The following ADGRB1 variants were observed in gnomAD, a reference collection of about 807,000 sequenced individuals.
ADGRB1 encodes the protein adhesion G protein-coupled receptor B1, also known as brain-specific angiogenesis inhibitor 1.
Under a neutral mutation model 175.7 loss-of-function variants are expected in ADGRB1, and 36 were observed. The ratio of observed to expected loss-of-function variants is 0.20; its 90% CI spans 0.16 to 0.27. ADGRB1 has a LOEUF of 0.27. ADGRB1 is among the 10% of genes least tolerant of loss of function. ADGRB1 has a pLI of 1.00. For missense variants in ADGRB1, 1,731 were observed against 2,255.3 expected, an observed-to-expected ratio of 0.77 and a Z score of 4.71; for synonymous variants, 1,054 against 979.4, an observed-to-expected ratio of 1.08 and a Z score of -1.42.
chr8:142,544,456 G>C lies in ADGRB1; in HGVS notation c.*39G>C. 7.0e-7 allele frequency: 1 copy of C among 1,436,028 alleles called. No homozygotes were observed. Among genetic ancestry groups the C allele is most frequent in the East Asian group, 2.6e-5 (1 of 38,700 alleles). 89.0% of individuals were successfully genotyped at this position (1,436,028 alleles called of 1,614,324 possible). On this transcript the variant is annotated 3_prime_UTR_variant, in exon 31 of 31. Transcript: ENST00000517894. ...GGCCACGCACTGGGCCACGGAGGAG[G>C]GATGCTGCTCCGCCCGCTCCTGCCG...
At chr8:142,501,898 TGTGGTGGTGATG>T (rs1842579897) in intron 17 of ADGRB1, among the ~76,000 whole-genome samples, 1 of 40,284 alleles carries the variant, frequency 2.5e-5, no homozygotes, top group Non-Finnish European at 5.4e-5. Flanking sequence ...GTGAGGGTGA[TGTGGTGGTGATG>T]GTGGTGGCGG....
rs1282627260 is a variant in ADGRB1, at chr8:142,520,917, C to T, written c.3016C>T (p.Arg1006Cys). ...ALILIGQTQT[R>C]NKVVCTLVAA... is the part of the protein sequence containing the mutation. ...CATCCTCATCGGGCAGACCCAGACC[C>T]GCAACAAGGTAGGCAGCCTTGCGTC... The change falls in exon 20 of 31, where the codon CGC (arginine) becomes TGC (cysteine). Residue 1006 changes from arginine (R) to cysteine (C), a missense_variant. Arg to Cys is a radical substitution (Grantham distance 180). Transcript: ENST00000517894. The T allele has an allele frequency of 3.7e-6, 6 of 1,612,972 alleles. No individual in the cohort carries two copies. The highest frequency in any genetic ancestry group is 2.2e-5 in the East Asian group (1 of 44,864).
intron 11 of ADGRB1, among the ~76,000 whole-genome samples, chr8:142,483,135 T>C (rs1262243580): frequency 2.4e-5 from 3 of 125,670 alleles, no homozygotes; most frequent in East Asian, 2.7e-4. Context: ...CTTGGTCACA[T>C]GCTGAACCCT....
intron 1 of ADGRB1, among the ~76,000 whole-genome samples, chr8:142,454,186 C>T (rs1368810530): frequency 6.6e-6 from 1 of 152,150 alleles, no homozygotes; most frequent in Non-Finnish European, 1.5e-5. Flanking sequence ...CTGTTGAGTG[C>T]CGCTGCCACG....
At position 142,484,757 on chromosome 8, in the gene ADGRB1, C is replaced by A. The variant is rs1486079710; in HGVS notation, c.2301C>A (p.Asp767Glu). The change falls in exon 13 of 31, where the codon GAC (aspartate) becomes GAA (glutamate). Residue 767 changes from aspartate (D) to glutamate (E), a missense_variant. Coordinates refer to ENST00000517894, the MANE Select transcript of ADGRB1 (RefSeq NM_001702.3). ...KDLRDAYQVT[D>E]NLVLSIHKLP... ...TGAGGGATGCATACCAGGTGACAGA[C>A]AACCTGGGTAAGCCTGCCCGCCTGC... 3.1e-6 allele frequency: 5 copies of A among 1,602,486 alleles called. No individual in the cohort carries two copies. The highest frequency in any genetic ancestry group is 4.3e-6 in the Non-Finnish European group (5 of 1,173,302).
chr8:142,515,150 T>A (rs1400880279), intron 18 of ADGRB1, among the ~76,000 whole-genome samples: 1 of 152,032 alleles, frequency 6.6e-6, no homozygotes, highest in African/African-American at 2.4e-5. Flanking sequence ...AATTGGTGAC[T>A]TCTGTGCTGG....
rs565856137 is a variant in ADGRB1, at chr8:142,476,266, C to G, written c.947-319C>G. ...GAGCCTGGGGAGGGCCCCGGGGCAT[C>G]GGCTGGGCTGCGGAAGGGAGGCAGG... On this transcript the variant is annotated intron_variant, in intron 3 of 30. Transcript: ENST00000517894. Among the ~76,000 whole-genome samples, 5 of 152,166 alleles carry G rather than the reference C, an allele frequency of 3.3e-5. No homozygotes were observed. The East Asian group carries it at 7.7e-4, about 23-fold the overall frequency.
chr8:142,538,454 G>A lies in ADGRB1; in HGVS notation c.3667-920G>A, dbSNP rs952863580. Among the ~76,000 whole-genome samples the A allele has an allele frequency of 2.0e-5, 3 of 152,336 alleles. No homozygotes were observed. In the South Asian group the frequency reaches 6.2e-4, roughly 32 times the overall value. On this transcript the variant is annotated intron_variant, in intron 26 of 30. Transcript: ENST00000517894. ...GGGAGCAGGTATCCACCAGTGGCTA[G>A]CTTGTCATTTTGGGACACAGCTTCC...
chr8:142,459,664 TCACAGGCA>T (rs1839867365), intron 1 of ADGRB1, among the ~76,000 whole-genome samples: 1 of 152,152 alleles, frequency 6.6e-6, no homozygotes. Flanking sequence ...ATATGCACAC[TCACAGGCA>T]CACAGGAACA....
intron 1 of ADGRB1, among the ~76,000 whole-genome samples, chr8:142,452,651 C>G (rs2131608788): frequency 6.6e-6 from 1 of 152,300 alleles, no homozygotes; most frequent in South Asian, 2.1e-4. Context: ...CAGGGTGGCC[C>G]GAGTCCCGAG....
At position 142,493,493 on chromosome 8, in the gene ADGRB1, G is replaced by A. The variant is rs1164562217; in HGVS notation, c.2675+2678G>A. Among the ~76,000 whole-genome samples, 2 of 152,220 alleles carry A rather than the reference G, an allele frequency of 1.3e-5. No homozygotes were observed. Among genetic ancestry groups the A allele is most frequent in the South Asian group, 2.1e-4 (1 of 4,836 alleles). ...AGGTGTTCCACCCACCCCGTCACCG[G>A]CTGGGTGCGCTGAGTGCTAAGGTCT... On this transcript the variant is annotated intron_variant, in intron 17 of 30. Transcript: ENST00000517894. The surrounding 1 kb of genome is among the most constrained non-coding windows in gnomAD (Gnocchi z 5.0).
chr8:142,483,795 T>C (rs1488794958), intron 11 of ADGRB1, among the ~76,000 whole-genome samples, 182 bp from the exon 12 acceptor site: 1 of 150,900 alleles, frequency 6.6e-6, no homozygotes, highest in African/African-American at 2.5e-5. Context: ...TCGATCCTGG[T>C]TACACACTGA....
intron 26 of ADGRB1, among the ~76,000 whole-genome samples, chr8:142,539,031 G>C (rs374339070): frequency 6.6e-6 from 1 of 152,122 alleles, no homozygotes; most frequent in East Asian, 1.9e-4. Flanking sequence ...AAATACACAC[G>C]CATGTACGTG....
chr8:142,538,784 C>T lies in ADGRB1; in HGVS notation c.3667-590C>T, dbSNP rs144477687. On this transcript the variant is annotated intron_variant, in intron 26 of 30. Transcript: ENST00000517894. ...CCCTGAATTGCATGTTCAACATCCCCCCCCACCACCTCTCCCTCCCCAGAC... is the reference window on the plus strand; with the variant it reads ...CCCTGAATTGCATGTTCAACATCCCTCCCCACCACCTCTCCCTCCCCAGAC... 7.7e-3 allele frequency among the ~76,000 whole-genome samples: 1,170 copies of T among 152,260 alleles called. 19 individuals carry two copies. Among genetic ancestry groups the T allele is most frequent in the African/African-American group, 0.026 (1,086 of 41,538 alleles).
At chr8:142,531,999 G>C (rs1161906438) in intron 24 of ADGRB1, among the ~76,000 whole-genome samples, 1 of 152,138 alleles carries the variant, frequency 6.6e-6, no homozygotes, top group Non-Finnish European at 1.5e-5. Flanking sequence ...GTGTGGTTTT[G>C]GAGGCCCTTG....
chr8:142,489,049 T>C lies in ADGRB1; in HGVS notation c.2467T>C (p.Ser823Pro). ...STGLTEADEA[S>P]VFVVGTVLYR... The stretch of plus-strand genomic sequence containing the variant: ...CTTTCTTCCAGAGGCCGATGAAGCA[T>C]CCGTGTTTGTGGTGGGCACCGTGCT... Residue 823 changes from serine (S) to proline (P), a missense_variant, in exon 15 of 31, where the codon TCC (serine) becomes CCC (proline). Ser to Pro is a moderately conservative substitution (Grantham distance 74, BLOSUM62 -1). Coordinates refer to ENST00000517894, the MANE Select transcript of ADGRB1 (RefSeq NM_001702.3). 6.2e-7 allele frequency: 1 copy of C among 1,612,000 alleles called. No individual in the cohort carries two copies. The highest frequency in any genetic ancestry group is 8.5e-7 in the Non-Finnish European group (1 of 1,179,624).
intron 23 of ADGRB1, 107 bp from the exon 24 acceptor site, chr8:142,526,435 G>C (rs1327972989): frequency 1.0e-6 from 1 of 998,768 alleles, no homozygotes; most frequent in Non-Finnish European, 1.5e-6. Context: ...GACCCTGGGT[G>C]GGGTAGGGGG....
At chr8:142,499,912 G>A (rs1842407617) in intron 17 of ADGRB1, among the ~76,000 whole-genome samples, 1 of 10,910 alleles carries the variant, frequency 9.2e-5, no homozygotes, top group Non-Finnish European at 1.6e-4. Flanking sequence ...GGTCACAGCA[G>A]GCTTATGGGT....
chr8:142,461,449 G>A (rs1000644656), intron 1 of ADGRB1, among the ~76,000 whole-genome samples: 16 of 152,232 alleles, frequency 1.1e-4, no homozygotes, highest in African/African-American at 3.1e-4. Flanking sequence ...CACCAGCCGC[G>A]TCGTGGCCAG....
Sources: gnomAD v4.1 joint callset for allele counts (sites outside exome capture counted in the v4.1 genomes callset) on GRCh38, gnomAD v4.1.1 for gene constraint, Gnocchi (gnomAD v3.1) non-coding constraint, MANE v1.5 for transcripts, NCBI Gene and HGNC (gene_info 2026-07-23, HGNC 2026-07-21) for gene names.